NBEA: variants seen among roughly 807,000 people sequenced by gnomAD.
NBEA encodes lysosomal-trafficking regulator 2.
NBEA carries 44 observed loss-of-function variants against 343.4 expected under a neutral mutation model. The ratio of observed to expected loss-of-function variants is 0.13; its 90% CI spans 0.10 to 0.16. NBEA has a LOEUF of 0.16. NBEA is among the 10% of genes least tolerant of loss of function. The pLI, the probability that NBEA is intolerant of heterozygous loss-of-function variation, is 1.00. For missense variants in NBEA, 2,555 were observed against 3,631.3 expected (o/e 0.70, Z 7.62); for synonymous variants, 1,175 against 1,238.7 (o/e 0.95, Z 1.08).
chr13:35,373,190 T>C (rs1405744422), intron 38 of NBEA, among the ~76,000 whole-genome samples: 3 of 152,038 alleles, frequency 2.0e-5, no homozygotes, highest in African/African-American at 7.2e-5. Flanking sequence ...TTGCCTTAGG[T>C]GTTTCCTGTC....
chr13:35,226,366 T>G (rs753491526), intron 33 of NBEA, among the ~76,000 whole-genome samples: 3 of 151,980 alleles, frequency 2.0e-5, no homozygotes, highest in Non-Finnish European at 4.4e-5. Context: ...ACCCCACAGT[T>G]CTCCTCAGAA....
chr13:35,652,008 C>A, intron 53 of NBEA, 132 bp downstream of exon 53: 1 of 639,932 alleles, frequency 1.6e-6, no homozygotes, highest in South Asian at 2.2e-5. Context: ...AAATTATCAT[C>A]AAGGAGCTGT....
At chr13:35,475,712 A>G in intron 41 of NBEA, 1 of 1,613,332 alleles carries the variant, frequency 6.2e-7, no homozygotes, top group Non-Finnish European at 8.5e-7. Flanking sequence ...CGGTAGCTAC[A>G]TTTGTCTACC....
At chr13:35,409,696 A>G (rs1757955015) in intron 38 of NBEA, among the ~76,000 whole-genome samples, 1 of 152,162 alleles carries the variant, frequency 6.6e-6, no homozygotes, top group Non-Finnish European at 1.5e-5. Flanking sequence ...AAGTGATGCC[A>G]AGAAGTAAAA....
chr13:35,164,521 G>C lies in NBEA; in HGVS notation c.4233+12G>C. The C allele has an allele frequency of 2.5e-6, 4 of 1,606,068 alleles. No homozygotes were observed. The highest frequency in any genetic ancestry group is 3.4e-6 in the Non-Finnish European group (4 of 1,175,592). ...CTACATCACCAACTGTAAGTACTTTGCCTCCATCTAGTGGTTATATTTTAT... is the reference window on the plus strand; with the variant it reads ...CTACATCACCAACTGTAAGTACTTTCCCTCCATCTAGTGGTTATATTTTAT... On this transcript the variant is annotated intron_variant, in intron 24 of 58. Transcript: ENST00000379939.
intron 18 of NBEA, among the ~76,000 whole-genome samples, chr13:35,143,763 C>T (rs752033639): frequency 2.6e-5 from 4 of 151,908 alleles, no homozygotes; most frequent in Admixed American, 2.0e-4. Flanking sequence ...CAGCTACTTG[C>T]GGGGCTGAGG....
At chr13:35,606,101 A>G (rs1433840258) in intron 47 of NBEA, among the ~76,000 whole-genome samples, 1 of 152,090 alleles carries the variant, frequency 6.6e-6, no homozygotes, top group Admixed American at 6.5e-5. Flanking sequence ...AGCTTTACAT[A>G]TTTGTTTTCT....
intron 5 of NBEA, among the ~76,000 whole-genome samples, chr13:35,049,042 CT>C (rs2062966974): frequency 6.6e-6 from 1 of 151,718 alleles, no homozygotes; most frequent in South Asian, 2.1e-4. Flanking sequence ...TCATTTTTGC[CT>C]TTTCACTTAC....
intron 49 of NBEA, among the ~76,000 whole-genome samples, chr13:35,633,889 T>C (rs949047367): frequency 1.3e-5 from 2 of 152,188 alleles, no homozygotes; most frequent in African/African-American, 4.8e-5. Context: ...TAATATTATT[T>C]AGTAAAAAGA....
intron 1 of NBEA, among the ~76,000 whole-genome samples, chr13:34,994,775 A>T (rs2060882212): frequency 6.6e-6 from 1 of 152,196 alleles, no homozygotes; most frequent in East Asian, 1.9e-4. Context: ...CTAATTCTGA[A>T]TCTTGGCAGA....
At chr13:35,512,765 C>T (rs1482147353) in intron 41 of NBEA, among the ~76,000 whole-genome samples, 1 of 152,198 alleles carries the variant, frequency 6.6e-6, no homozygotes, top group African/African-American at 2.4e-5. Flanking sequence ...GGCCAAACCA[C>T]GGACTATTGG....
chr13:35,007,093 G>A (rs895608923), intron 1 of NBEA, among the ~76,000 whole-genome samples: 3 of 143,930 alleles, frequency 2.1e-5, no homozygotes, highest in Non-Finnish European at 4.6e-5. Flanking sequence ...TTTTTTTTTT[G>A]TACTAGTGAA....
At chr13:35,002,328 G>C (rs189859945) in intron 1 of NBEA, among the ~76,000 whole-genome samples, 1 of 152,246 alleles carries the variant, frequency 6.6e-6, no homozygotes, top group East Asian at 1.9e-4. Context: ...TATAGAAATA[G>C]AACACAATTT....
chr13:35,612,423 C>T (rs113952814), intron 48 of NBEA, among the ~76,000 whole-genome samples: 10,260 of 152,188 alleles, frequency 0.067, 387 homozygotes, highest in African/African-American at 0.088. Flanking sequence ...TGAGCCACGG[C>T]GCCTGGCCTA....
chr13:35,020,600 C>T (rs906979681), intron 1 of NBEA, among the ~76,000 whole-genome samples: 2 of 152,164 alleles, frequency 1.3e-5, no homozygotes, highest in Admixed American at 1.3e-4. Flanking sequence ...TTTACTGCAA[C>T]GTCTGCCTAC....
In NBEA at chr13:35,053,170, A is replaced by G. The variant is rs548855548; in HGVS notation, c.972+2775A>G. Among the ~76,000 whole-genome samples, 3 of 152,246 alleles carry G rather than the reference A, an allele frequency of 2.0e-5. No homozygotes were observed. The South Asian group carries it at 6.2e-4, about 32-fold the overall frequency. ...TTGCTGCCAGTTATTTTCTTTAACT[A>G]TGGAGCAGATCGTTTCACTTTCCTG... On this transcript the variant is annotated intron_variant, in intron 6 of 58. Coordinates refer to ENST00000379939, the MANE Select transcript of NBEA (RefSeq NM_001385012.1).
At chr13:35,513,300 C>CT in intron 41 of NBEA, among the ~76,000 whole-genome samples, 1 of 119,164 alleles carries the variant, frequency 8.4e-6, no homozygotes, top group Admixed American at 9.0e-5. Context: ...CCACACCTGG[C>CT]AATTTTTTTT....
chr13:35,462,159 G>T (rs7332995), intron 40 of NBEA, among the ~76,000 whole-genome samples: 1 of 152,024 alleles, frequency 6.6e-6, no homozygotes, highest in East Asian at 1.9e-4. Context: ...TATAAGTATC[G>T]GATATCAACT....
intron 1 of NBEA, among the ~76,000 whole-genome samples, chr13:34,968,896 TA>T (rs2059912238): frequency 6.6e-6 from 1 of 152,090 alleles, no homozygotes; most frequent in South Asian, 2.1e-4. Flanking sequence ...AATTGATTGT[TA>T]ATATCAATTG....
Sources: allele counts gnomAD v4.1 joint callset (sites outside exome capture counted in the v4.1 genomes callset), GRCh38; gene constraint gnomAD v4.1.1; transcripts MANE v1.5; gene names NCBI Gene and HGNC (gene_info 2026-07-23, HGNC 2026-07-21).